The following DIP2C variants were observed in gnomAD, a reference collection of about 807,000 sequenced individuals.
DIP2C encodes the protein DIP2 acetate--CoA ligase C (putative), also known as disco-interacting protein 2 homolog C.
A neutral mutation model predicts 192.4 loss-of-function variants in DIP2C; 33 were observed. The observed-to-expected ratio is 0.17, with a 90% CI of 0.13 to 0.23. The LOEUF is 0.23. Ranked by LOEUF, DIP2C falls within the 10% of genes least tolerant of loss-of-function variation. The pLI, the probability that DIP2C is intolerant of heterozygous loss-of-function variation, is 1.00. For missense variants in DIP2C, 1,537 were observed against 2,110.1 expected (o/e 0.73, Z 5.32); for synonymous variants, 979 against 864.1 (o/e 1.13, Z -2.33).
chr10:477,956 GAA>G (rs1482273093), intron 2 of DIP2C, among the ~76,000 whole-genome samples: 1 of 86,932 alleles, frequency 1.2e-5, no homozygotes, highest in Admixed American at 1.3e-4. Flanking sequence ...AAGAAGGAAA[GAA>G]AAGAGAAGGA....
At chr10:534,864 G>C (rs1847609691) in intron 1 of DIP2C, among the ~76,000 whole-genome samples, 1 of 151,910 alleles carries the variant, frequency 6.6e-6, no homozygotes, top group African/African-American at 2.4e-5. Context: ...TTTTAGTAGA[G>C]ACGGGGTTTC....
intron 1 of DIP2C, chr10:661,919 T>C (rs561328600): frequency 3.1e-6 from 2 of 654,824 alleles, no homozygotes; most frequent in Non-Finnish European, 5.5e-6. Flanking sequence ...GACTCACAGC[T>C]TCATCTGCCT....
intron 3 of DIP2C, among the ~76,000 whole-genome samples, chr10:444,964 T>C (rs561610104): frequency 1.3e-5 from 2 of 152,346 alleles, no homozygotes; most frequent in East Asian, 1.9e-4. Context: ...CTGGGCCATA[T>C]GGTAAATGTA....
intron 1 of DIP2C, among the ~76,000 whole-genome samples, chr10:517,985 C>T (rs1244326421): frequency 6.6e-6 from 1 of 152,222 alleles, no homozygotes; most frequent in African/African-American, 2.4e-5. Context: ...AACGTTTCAT[C>T]AAGGAAAGGC....
chr10:521,011 A>C (rs1163920274), intron 1 of DIP2C, among the ~76,000 whole-genome samples: 1 of 152,236 alleles, frequency 6.6e-6, no homozygotes, highest in African/African-American at 2.4e-5. Flanking sequence ...TCAAATGGAA[A>C]TATGACAAGT....
chr10:311,557 G>A, intron 31 of DIP2C: 5 of 1,232,536 alleles, frequency 4.1e-6, no homozygotes, highest in Non-Finnish European at 5.1e-6. Context: ...AGGGTCCACA[G>A]CCTGTGAGGC....
chr10:663,651 G>A (rs1856897765), intron 1 of DIP2C: 1 of 152,238 alleles, frequency 6.6e-6, no homozygotes, highest in African/African-American at 2.4e-5. Flanking sequence ...AGGTTGAAAT[G>A]CGTGTGCCAT....
rs72772890 is a variant in DIP2C at position 429,559 on chromosome 10, T to C, written c.395-6526A>G. 9.3e-3 allele frequency among the ~76,000 whole-genome samples: 835 copies of C among 89,450 alleles called. 17 individuals are homozygous for C. The highest frequency in any genetic ancestry group is 0.047 in the African/African-American group (422 of 8,998). The allele number at this position is 89,450 out of a possible 152,430, so 58.7% of individuals were successfully genotyped here. On this transcript the variant is annotated intron_variant, in intron 4 of 36. Transcript: ENST00000280886. ...CCCACAGACCCTGGCTGCCTCCCCC[T>C]GGACCCTGGCAACCACTGATCTTTT...
At chr10:451,602 A>G (rs915864072) in intron 3 of DIP2C, among the ~76,000 whole-genome samples, 1 of 152,266 alleles carries the variant, frequency 6.6e-6, no homozygotes, top group African/African-American at 2.4e-5. Flanking sequence ...TTACTTAAAA[A>G]GAATTGAAAG....
intron 1 of DIP2C, among the ~76,000 whole-genome samples, chr10:533,169 T>A (rs552151129): frequency 6.4e-4 from 97 of 152,160 alleles, no homozygotes; most frequent in African/African-American, 2.3e-3. Context: ...GAACTGACCC[T>A]CCCTCGACGA....
chr10:540,351 C>T (rs1276875355), intron 1 of DIP2C, among the ~76,000 whole-genome samples: 1 of 152,268 alleles, frequency 6.6e-6, no homozygotes, highest in East Asian at 1.9e-4. Flanking sequence ...GCCCCCGTCA[C>T]AGGGGGAAAG....
At chr10:386,293 T>TC (rs1164517234) in intron 14 of DIP2C, among the ~76,000 whole-genome samples, 1 of 152,190 alleles carries the variant, frequency 6.6e-6, no homozygotes, top group East Asian at 1.9e-4. Flanking sequence ...AATAGGATCG[T>TC]CGTTCCATTC....
At chr10:337,800 C>CGTGTGTTTTGGAGGCCTAGGCAGCTGTGT (rs749822515) in intron 29 of DIP2C, among the ~76,000 whole-genome samples, 1 of 122,652 alleles carries the variant, frequency 8.2e-6, no homozygotes, top group Non-Finnish European at 1.7e-5. Flanking sequence ...TGTGTGTGCA[C>CGTGTGTTTTGGAGGCCTAGGCAGCTGTGT]GTGTGTCGTG....
chr10:356,053 C>T (rs1477903246), intron 24 of DIP2C, among the ~76,000 whole-genome samples: 4 of 152,154 alleles, frequency 2.6e-5, no homozygotes, highest in Non-Finnish European at 5.9e-5. Context: ...GAACTCTAGC[C>T]TGGGCAACAG....
intron 1 of DIP2C, among the ~76,000 whole-genome samples, chr10:612,945 C>G (rs939784693): frequency 2.6e-5 from 4 of 152,140 alleles, no homozygotes; most frequent in Admixed American, 6.5e-5. Flanking sequence ...AGGGATCCGG[C>G]CCCCCTCCCA....
chr10:613,881 G>A (rs1030720365), intron 1 of DIP2C, among the ~76,000 whole-genome samples: 5 of 151,934 alleles, frequency 3.3e-5, no homozygotes, highest in East Asian at 3.9e-4. Flanking sequence ...TCGGCCATCT[G>A]ATGGCATCAC....
intron 1 of DIP2C, among the ~76,000 whole-genome samples, chr10:545,225 G>T (rs943772230): frequency 1.5e-5 from 2 of 136,346 alleles, no homozygotes; most frequent in Non-Finnish European, 3.0e-5. Context: ...GGAGTGTAGT[G>T]GCATGACCTC....
chr10:644,214 G>A (rs1855341664), intron 1 of DIP2C, among the ~76,000 whole-genome samples: 1 of 152,244 alleles, frequency 6.6e-6, no homozygotes, highest in Admixed American at 6.5e-5. Context: ...ACCTTCTGCA[G>A]ACCAAGGCAG....
chr10:359,113 G>A (rs1467008150), intron 22 of DIP2C, among the ~76,000 whole-genome samples: 2 of 152,068 alleles, frequency 1.3e-5, no homozygotes, highest in African/African-American at 2.4e-5. Flanking sequence ...TGCAGCTGAC[G>A]GGGCAGTGGC....
Sources: allele counts gnomAD v4.1 joint callset (sites outside exome capture counted in the v4.1 genomes callset), GRCh38; gene constraint gnomAD v4.1.1; transcripts MANE v1.5; gene names NCBI Gene and HGNC (gene_info 2026-07-23, HGNC 2026-07-21).